C2CD3: variants seen among roughly 807,000 people sequenced by gnomAD.
C2CD3 encodes C2 domain-containing protein 3.
Under a neutral mutation model 234.0 loss-of-function variants are expected in C2CD3, and 148 were observed. That is an observed-to-expected ratio of 0.63 (90% CI 0.55 to 0.72). C2CD3 has a LOEUF of 0.72. Among genes scored for constraint, C2CD3 ranks in the 30% least tolerant of loss-of-function variants. C2CD3 has a pLI of 0.00. For synonymous variants in C2CD3, 1,000 were observed against 1,035.4 expected (o/e 0.97, Z 0.66); for missense variants, 2,577 against 2,811.5 (o/e 0.92, Z 1.89).
chr11:74,097,999 C>T lies in C2CD3; in HGVS notation c.2979+10G>A, dbSNP rs369533482. On this transcript the variant is annotated intron_variant, in intron 16 of 32. Transcript: ENST00000334126. The stretch of plus-strand genomic sequence containing the variant: ...AATAATGACTTTTTGTAAACCATAG[C>T]GTTTATTACCATAGCAACAGATGCT... The T allele has an allele frequency of 5.6e-6, 9 of 1,610,810 alleles. No homozygotes were observed. Among genetic ancestry groups the T allele is most frequent in the East Asian group, 4.5e-5 (2 of 44,868 alleles).
At chr11:74,061,857 T>A (rs1054965849) in intron 24 of C2CD3, among the ~76,000 whole-genome samples, 24 of 152,168 alleles carry the variant, frequency 1.6e-4, no homozygotes, top group African/African-American at 5.8e-4. Context: ...GACCCTTCAG[T>A]GTGCTGTATT....
In C2CD3 at chr11:74,033,911, T is replaced by C; in HGVS notation, c.6249A>G (p.Lys2083=). Residue 2083 remains lysine, a synonymous_variant, in exon 31 of 33, where the codon AAA becomes AAG. Coordinates refer to ENST00000334126, the MANE Select transcript of C2CD3 (RefSeq NM_001286577.2). ...TLNEITTVTD[K]TSPWSSVISD... is the part of the protein sequence containing the mutation. The stretch of plus-strand genomic sequence containing the variant: ...ATATGACACTAGACCAAGGGCTAGT[T>C]TTGTCTGTCACCGTGGTGATCTCAT... 6.5e-7 allele frequency: 1 copy of C among 1,536,176 alleles called. No individual in the cohort carries two copies. Among genetic ancestry groups the C allele is most frequent in the Non-Finnish European group, 8.7e-7 (1 of 1,146,912 alleles).
At chr11:74,092,254 C>T (rs1435485045) in intron 19 of C2CD3, among the ~76,000 whole-genome samples, 162 bp downstream of exon 19, 1 of 152,038 alleles carries the variant, frequency 6.6e-6, no homozygotes, top group Non-Finnish European at 1.5e-5. Flanking sequence ...GGGGTTTCTC[C>T]ATGTTGGTCA....
At chr11:74,071,942 T>A (rs1954812142) in intron 24 of C2CD3, among the ~76,000 whole-genome samples, 1 of 152,176 alleles carries the variant, frequency 6.6e-6, no homozygotes, top group Non-Finnish European at 1.5e-5. Flanking sequence ...TGCTTTTTTT[T>A]AACAATATGG....
chr11:74,076,376 G>A (rs940180062), intron 23 of C2CD3, among the ~76,000 whole-genome samples: 4 of 152,196 alleles, frequency 2.6e-5, no homozygotes, highest in Non-Finnish European at 4.4e-5. Context: ...TTCTTCGACT[G>A]TAGAGTGGGG....
At position 74,049,369 on chromosome 11, in the gene C2CD3, C is replaced by T. The variant is rs370890163; in HGVS notation, c.5329G>A (p.Ala1777Thr). ...TTTGAGGTCTCCACTCCACGCCTTG[C>T]TTGCCTTTCTTCTTTGAAGTGTATC... is the stretch of plus-strand genomic sequence containing the variant. ...SLIHFKEERQ[A>T]RRGVETSKSL... Residue 1777 changes from alanine (A) to threonine (T), a missense_variant, in exon 27 of 33, where the codon GCA becomes ACA. Coordinates refer to ENST00000334126, the MANE Select transcript of C2CD3 (RefSeq NM_001286577.2). The T allele has an allele frequency of 1.7e-5, 27 of 1,614,052 alleles. No homozygotes were observed. Among genetic ancestry groups the T allele is most frequent in the Non-Finnish European group, 2.1e-5 (25 of 1,179,986 alleles).
chr11:74,037,789 A>G (rs1952813788), intron 29 of C2CD3, 91 bp from the exon 30 acceptor site: 1 of 973,830 alleles, frequency 1.0e-6, no homozygotes, highest in Non-Finnish European at 1.6e-6. Flanking sequence ...CGCTTGAGCC[A>G]AAGCCTTAAT....
chr11:74,072,644 T>C (rs899517000), intron 24 of C2CD3, among the ~76,000 whole-genome samples: 1 of 152,104 alleles, frequency 6.6e-6, no homozygotes, highest in Non-Finnish European at 1.5e-5. Context: ...ATACAATTTA[T>C]TGGCTAGGGA....
At chr11:74,114,048 G>C (rs894507867) in intron 10 of C2CD3, among the ~76,000 whole-genome samples, 156 bp from the exon 11 acceptor site, 2 of 152,190 alleles carry the variant, frequency 1.3e-5, no homozygotes, top group Non-Finnish European at 2.9e-5. Flanking sequence ...CTGTCTGAGA[G>C]AATCAAAGGC....
rs1240472477 is a variant in C2CD3, at chr11:74,098,229, A to G, written c.2759T>C (p.Leu920Pro). ...FKDAKISRLL[L>P]DAQYPVVAVD... ...AGCAACAACTGGGTACTGGGCATCC[A>G]GCAGCAGGCGAGAAATCTTAGCATC... Residue 920 changes from leucine (L) to proline (P), a missense_variant, in exon 16 of 33, where the codon CTG (leucine) becomes CCG (proline). Transcript: ENST00000334126. 1.2e-6 allele frequency: 2 copies of G among 1,614,036 alleles called. No individual in the cohort carries two copies. The highest frequency in any genetic ancestry group is 3.3e-5 in the Admixed American group (2 of 59,994).
intron 3 of C2CD3, among the ~76,000 whole-genome samples, chr11:74,144,857 G>A (rs983171303): frequency 6.6e-6 from 1 of 152,090 alleles, no homozygotes; most frequent in Non-Finnish European, 1.5e-5. Context: ...CCATTGATGG[G>A]CACTCAGCTT....
chr11:74,024,432 G>A (rs898539059), intron 32 of C2CD3, among the ~76,000 whole-genome samples: 2 of 152,222 alleles, frequency 1.3e-5, no homozygotes, highest in African/African-American at 4.8e-5. Context: ...GTCCCAGCCA[G>A]AAATCAGGAT....
intron 2 of C2CD3, chr11:74,164,057 C>G (rs1270201263): frequency 2.5e-6 from 1 of 402,392 alleles, no homozygotes; most frequent in African/African-American, 2.2e-5. Context: ...AAACTCAGTT[C>G]TATCCAATTA....
chr11:74,119,942 A>G (rs1397891803), intron 8 of C2CD3, among the ~76,000 whole-genome samples: 2 of 151,874 alleles, frequency 1.3e-5, no homozygotes, highest in Non-Finnish European at 2.9e-5. Flanking sequence ...CCACAATACA[A>G]CTTTTAAAAG....
At chr11:74,130,134 AGGGAGAGGGAGAGGGGAGAGGGGAGAG>A (rs1366459914) in intron 7 of C2CD3, among the ~76,000 whole-genome samples, 1 of 107,856 alleles carries the variant, frequency 9.3e-6, no homozygotes, top group Non-Finnish European at 1.9e-5. Context: ...GGAGAGGGAG[AGGGAGAGGGAGAGGGGAGAGGGGAGAG>A]GGGAGAGGGG....
chr11:74,169,036 A>G (rs1402540133), intron 1 of C2CD3, among the ~76,000 whole-genome samples: 1 of 152,236 alleles, frequency 6.6e-6, no homozygotes, highest in Non-Finnish European at 1.5e-5. Context: ...GGTTTTTAAG[A>G]TATGTAATCT....
intron 3 of C2CD3, among the ~76,000 whole-genome samples, chr11:74,145,113 TTC>T (rs1282526362): frequency 6.6e-6 from 1 of 152,216 alleles, no homozygotes; most frequent in Non-Finnish European, 1.5e-5. Flanking sequence ...CAAATCGTAG[TTC>T]TGTTTTTAGA....
chr11:74,165,297 G>A (rs1245704581), intron 2 of C2CD3, among the ~76,000 whole-genome samples: 3 of 151,872 alleles, frequency 2.0e-5, no homozygotes, highest in Non-Finnish European at 2.9e-5. Context: ...GTTAATTCTG[G>A]CACAGCCTAT....
intron 24 of C2CD3, among the ~76,000 whole-genome samples, chr11:74,063,850 A>G (rs1316774179): frequency 4.6e-5 from 7 of 152,184 alleles, no homozygotes; most frequent in African/African-American, 1.7e-4. Flanking sequence ...AGATGACATG[A>G]TTGTATATTT....
Sources: gnomAD v4.1 joint callset for allele counts (sites outside exome capture counted in the v4.1 genomes callset) on GRCh38, gnomAD v4.1.1 for gene constraint, MANE v1.5 for transcripts, NCBI Gene and HGNC (gene_info 2026-07-23, HGNC 2026-07-21) for gene names.